ZMAT5: variants seen among roughly 807,000 people sequenced by gnomAD.
ZMAT5 encodes the protein zinc finger matrin-type 5.
ZMAT5 carries 23 observed loss-of-function variants against 28.0 expected under a neutral mutation model. The ratio of observed to expected loss-of-function variants is 0.82; its 90% CI spans 0.59 to 1.16. The LOEUF is 1.16. Among genes scored for constraint, ZMAT5 ranks in the 50% most tolerant of loss-of-function variants. The pLI is 0.00. For synonymous variants in ZMAT5, 76 were observed against 84.1 expected (o/e 0.90, Z 0.52); for missense variants, 173 against 212.7 (o/e 0.81, Z 1.16).
chr22:29,731,169 C>T lies in ZMAT5; in HGVS notation c.*56G>A. 6.9e-7 allele frequency: 1 copy of T among 1,444,794 alleles called. No individual in the cohort carries two copies. The allele number at this position is 1,444,794 out of a possible 1,614,324, so 89.5% of individuals were successfully genotyped here. On this transcript the variant is annotated 3_prime_UTR_variant, in exon 6 of 6. Transcript: ENST00000344318. ...GCGTAGCAGGAACCGGGCTTGGCTT[C>T]CTATTGTGACTGATGAGAAAAGTGA...
intron 1 of ZMAT5, among the ~76,000 whole-genome samples, chr22:29,762,357 C>G (rs1042416727): frequency 6.6e-6 from 1 of 152,234 alleles, no homozygotes; most frequent in South Asian, 2.1e-4. Flanking sequence ...CCCCAGGCCC[C>G]GGAACGGTAC....
Position 29,740,676 on chromosome 22 carries a change from A to AGGTCTCGCTCT in ZMAT5, c.234_244dup (p.Leu82GlnfsTer8). On this transcript the variant is annotated frameshift_variant, in exon 4 of 6. Transcript: ENST00000344318. LOFTEE classifies it high-confidence loss of function. ...CTCCACCTGGATGCTCAGCTCCTGC[A>AGGTCTCGCTCT]GGTCTCGCTCTGACATGTGGGAAAA... The AGGTCTCGCTCT allele has an allele frequency of 6.2e-7, 1 of 1,604,424 alleles. No homozygotes were observed. The highest frequency in any genetic ancestry group is 8.5e-7 in the Non-Finnish European group (1 of 1,175,852).
intron 2 of ZMAT5, chr22:29,748,217 C>T: frequency 1.4e-6 from 1 of 695,194 alleles, no homozygotes; most frequent in Non-Finnish European, 2.5e-6. Context: ...CTCCTGTCCA[C>T]AGAGCCTTCA....
intron 2 of ZMAT5, chr22:29,746,891 C>T (rs974944031): frequency 3.9e-5 from 6 of 152,134 alleles, no homozygotes; most frequent in African/African-American, 7.2e-5. Flanking sequence ...GGAGCCTTAG[C>T]GTAACACCAG....
At chr22:29,761,197 T>C (rs2068153707) in intron 1 of ZMAT5, among the ~76,000 whole-genome samples, 1 of 132,786 alleles carries the variant, frequency 7.5e-6, no homozygotes, top group Non-Finnish European at 1.5e-5. Context: ...TGCTTGAACC[T>C]GGGAGGCGGA....
intron 2 of ZMAT5, 92 bp from the exon 3 acceptor site, chr22:29,742,572 T>A: frequency 8.7e-7 from 1 of 1,154,394 alleles, no homozygotes; most frequent in South Asian, 1.2e-5. Flanking sequence ...GGACCCTTTA[T>A]CTCGACACAG....
At chr22:29,757,197 C>T (rs377314482) in intron 1 of ZMAT5, among the ~76,000 whole-genome samples, 4 of 118,724 alleles carry the variant, frequency 3.4e-5, no homozygotes, top group African/African-American at 1.0e-4. Context: ...GCCTGGACAA[C>T]AGGGTGAGAC....
chr22:29,760,007 C>T (rs983814238), intron 1 of ZMAT5, among the ~76,000 whole-genome samples: 2 of 152,022 alleles, frequency 1.3e-5, no homozygotes, highest in Non-Finnish European at 2.9e-5. Flanking sequence ...TTGAGACCAC[C>T]CTGGGCAACA....
intron 1 of ZMAT5, among the ~76,000 whole-genome samples, chr22:29,756,393 C>G (rs1324698151): frequency 6.6e-6 from 1 of 152,176 alleles, no homozygotes; most frequent in East Asian, 1.9e-4. Flanking sequence ...ACCGAACCCC[C>G]GTATGCTAGA....
At chr22:29,758,346 T>A (rs930135139) in intron 1 of ZMAT5, among the ~76,000 whole-genome samples, 3 of 152,222 alleles carry the variant, frequency 2.0e-5, no homozygotes, top group African/African-American at 7.2e-5. Context: ...TTGGACGCAG[T>A]GGTTCATTCC....
chr22:29,744,195 A>G (rs919654196), intron 2 of ZMAT5, among the ~76,000 whole-genome samples: 1 of 152,206 alleles, frequency 6.6e-6, no homozygotes, highest in Non-Finnish European at 1.5e-5. Flanking sequence ...CAGTGGCCTT[A>G]GCACCATGTT....
intron 5 of ZMAT5, among the ~76,000 whole-genome samples, chr22:29,735,738 G>A (rs1288618291): frequency 6.6e-6 from 1 of 152,220 alleles, no homozygotes; most frequent in African/African-American, 2.4e-5. Context: ...TGGGAACACT[G>A]TAAGCACCAA....
intron 1 of ZMAT5, among the ~76,000 whole-genome samples, chr22:29,759,763 C>G (rs1226501833): frequency 1.3e-5 from 2 of 151,884 alleles, no homozygotes; most frequent in Non-Finnish European, 2.9e-5. Context: ...GAGTGAGACC[C>G]TGTCTCAAAA....
intron 5 of ZMAT5, among the ~76,000 whole-genome samples, chr22:29,735,819 C>T (rs1601714933): frequency 6.6e-6 from 1 of 152,240 alleles, no homozygotes; most frequent in Non-Finnish European, 1.5e-5. Flanking sequence ...GTTTCCCCAT[C>T]TGGTACCCTA....
chr22:29,758,752 G>C (rs1182392651), intron 1 of ZMAT5: 4 of 152,468 alleles, frequency 2.6e-5, no homozygotes. Flanking sequence ...TTCAAAAAAA[G>C]TGGGGGGCTA....
Position 29,731,230 on chromosome 22 carries a change from C to A in ZMAT5, c.508G>T (p.Gly170Cys). 1 of 1,499,274 alleles carries A rather than the reference C, an allele frequency of 6.7e-7. No homozygotes were observed. Among genetic ancestry groups the A allele is most frequent in the Admixed American group, 2.9e-5 (1 of 35,054 alleles). The allele number at this position is 1,499,274 out of a possible 1,614,324, so 92.9% of individuals were successfully genotyped here. ...GWPLQPRVQW[G>C] ...GTCAGTCGGGGGCAAGGGGCTCAGC[C>A]CCACTGGACTCTGGGCTGCAGAGGC... Residue 170 changes from glycine to cysteine, a missense_variant, in exon 6 of 6, where the codon GGC becomes TGC. By Grantham distance (159) the Gly-to-Cys change is radical (BLOSUM62 -3). Transcript: ENST00000344318.
chr22:29,745,752 C>T (rs113244742), intron 2 of ZMAT5, among the ~76,000 whole-genome samples: 6,915 of 152,324 alleles, frequency 0.045, 204 homozygotes, highest in Middle Eastern at 0.095. Flanking sequence ...GATCATCAGC[C>T]CCTCTGAGGG....
intron 1 of ZMAT5, among the ~76,000 whole-genome samples, chr22:29,755,314 GA>G (rs1306326056): frequency 6.0e-5 from 6 of 99,238 alleles, no homozygotes; most frequent in African/African-American, 2.3e-4. Context: ...AAGAAAGAAA[GA>G]AAAAAAGAAA....
At chr22:29,745,313 T>C (rs1343936987) in intron 2 of ZMAT5, among the ~76,000 whole-genome samples, 2 of 152,146 alleles carry the variant, frequency 1.3e-5, no homozygotes, top group African/African-American at 2.4e-5. Context: ...AGGGGACAGC[T>C]TATGCCCAGC....
Sources: allele counts gnomAD v4.1 joint callset (sites outside exome capture counted in the v4.1 genomes callset), GRCh38; gene constraint gnomAD v4.1.1; transcripts MANE v1.5; gene names NCBI Gene and HGNC (gene_info 2026-07-23, HGNC 2026-07-21).